CIROZ: variants seen among roughly 807,000 people sequenced by gnomAD.
CIROZ encodes the protein ciliated left-right organizer ZP-N domains-containing protein.
chr1:10,953,195 G>A, the CIROZ span, among the ~76,000 whole-genome samples: 183 of 152,206 alleles, frequency 1.2e-3, 1 homozygote, highest in African/African-American at 4.0e-3. Flanking sequence ...GTGCAACACC[G>A]AAACATCATA....
At chr1:10,949,558 C>T in the CIROZ span, 53 of 1,539,482 alleles carry the variant, frequency 3.4e-5, no homozygotes, top group Admixed American at 7.6e-4. Flanking sequence ...CTGGGTCTAC[C>T]GATACTTCTT....
the CIROZ span, among the ~76,000 whole-genome samples, chr1:10,963,544 T>A: frequency 6.6e-6 from 1 of 151,874 alleles, no homozygotes; most frequent in Non-Finnish European, 1.5e-5. Flanking sequence ...CCCACTCCCA[T>A]CCAAATCATG....
chr1:10,967,835 G>A, the CIROZ span, among the ~76,000 whole-genome samples: 1 of 152,158 alleles, frequency 6.6e-6, no homozygotes, highest in African/African-American at 2.4e-5. Context: ...TTAGCTGGGA[G>A]TGGTGGCAGG....
chr1:10,976,023 G>T, the CIROZ span: 4 of 677,836 alleles, frequency 5.9e-6, no homozygotes, highest in Non-Finnish European at 9.9e-6. Flanking sequence ...TGAAATCCAC[G>T]CTTTGGTGAA....
chr1:10,979,298 G>T, the CIROZ span, among the ~76,000 whole-genome samples: 1 of 152,020 alleles, frequency 6.6e-6, no homozygotes, highest in Admixed American at 6.6e-5. Flanking sequence ...CCAGGGCAAG[G>T]ATCTCACATT....
the CIROZ span, chr1:10,964,282 G>T: frequency 6.2e-7 from 1 of 1,603,360 alleles, no homozygotes; most frequent in Non-Finnish European, 8.5e-7. Flanking sequence ...CTGGAAGTAG[G>T]GCAAAATTCA....
At chr1:10,976,822 T>C in the CIROZ span, among the ~76,000 whole-genome samples, 3 of 151,776 alleles carry the variant, frequency 2.0e-5, no homozygotes, top group Non-Finnish European at 2.9e-5. Context: ...GGACCTCTGA[T>C]GGGGAGGTCA....
At chr1:10,961,287 G>A in the CIROZ span, among the ~76,000 whole-genome samples, 6 of 152,132 alleles carry the variant, frequency 3.9e-5, no homozygotes, top group African/African-American at 1.2e-4. Flanking sequence ...GGGATCCCGG[G>A]GCGGGGCCGG....
chr1:10,976,700 GA>G, the CIROZ span, among the ~76,000 whole-genome samples: 11,652 of 102,730 alleles, frequency 0.11, 1,226 homozygotes, highest in African/African-American at 0.3. Flanking sequence ...GCCAAGAGAC[GA>G]AAAAAAAAAA....
chr1:10,954,123 C>T, the CIROZ span: 2 of 1,612,692 alleles, frequency 1.2e-6, no homozygotes, highest in Admixed American at 3.3e-5. Context: ...TCCCGGGGTT[C>T]CTCCGACTTC....
At chr1:10,961,386 C>T in the CIROZ span, among the ~76,000 whole-genome samples, 1 of 152,158 alleles carries the variant, frequency 6.6e-6, no homozygotes, top group Admixed American at 6.5e-5. Flanking sequence ...AAGCCCCTCC[C>T]GCTCAGCCCC....
chr1:10,968,833 A>T, the CIROZ span, among the ~76,000 whole-genome samples: 1 of 152,228 alleles, frequency 6.6e-6, no homozygotes, highest in Non-Finnish European at 1.5e-5. Context: ...TTTTACGCTT[A>T]AAACTTCTTT....
chr1:10,958,335 G>A, the CIROZ span, among the ~76,000 whole-genome samples: 3 of 152,238 alleles, frequency 2.0e-5, no homozygotes, highest in African/African-American at 4.8e-5. Flanking sequence ...AGGACCAGCA[G>A]AAGGAAAATT....
the CIROZ span, among the ~76,000 whole-genome samples, chr1:10,968,939 A>G: frequency 2.6e-5 from 4 of 152,238 alleles, no homozygotes; most frequent in Non-Finnish European, 5.9e-5. Context: ...ATTGTTTTCC[A>G]TTAATAATGG....
At chr1:10,960,638 G>A in the CIROZ span, among the ~76,000 whole-genome samples, 1 of 152,188 alleles carries the variant, frequency 6.6e-6, no homozygotes, top group Non-Finnish European at 1.5e-5. The surrounding 1 kb of genome is among the most constrained non-coding windows in gnomAD (Gnocchi z 4.6). Flanking sequence ...CCCGCTCGGG[G>A]CCTGTGGGCA....
the CIROZ span, chr1:10,981,889 G>T: frequency 8.0e-7 from 1 of 1,256,366 alleles, no homozygotes; most frequent in Middle Eastern, 1.9e-4. Flanking sequence ...CACCCATTTG[G>T]CCCCCTTCCC....
At chr1:10,958,574 C>G in the CIROZ span, 1 of 1,027,768 alleles carries the variant, frequency 9.7e-7, no homozygotes. Flanking sequence ...AGACCTGGTC[C>G]TTGAAGAGTC....
At chr1:10,962,944 ACGC>A in the CIROZ span, among the ~76,000 whole-genome samples, 2 of 152,136 alleles carry the variant, frequency 1.3e-5, no homozygotes, top group Admixed American at 1.3e-4. Flanking sequence ...ACACAGTGAG[ACGC>A]CGTCTCTACA....
the CIROZ span, among the ~76,000 whole-genome samples, chr1:10,976,785 G>C: frequency 6.6e-6 from 1 of 151,674 alleles, no homozygotes. Flanking sequence ...AAATGAAACA[G>C]AGTGGTGAGA....
Sources: allele counts gnomAD v4.1 joint callset (sites outside exome capture counted in the v4.1 genomes callset), GRCh38; gene constraint gnomAD v4.1.1; non-coding constraint Gnocchi (gnomAD v3.1); transcripts MANE v1.5; gene names NCBI Gene and HGNC (gene_info 2026-07-23, HGNC 2026-07-21).